The following CEP43 variants were observed in gnomAD, a reference collection of about 807,000 sequenced individuals.
CEP43 encodes centrosomal protein 43, also known as FGFR1 oncogene partner.
Under a neutral mutation model 52.6 loss-of-function variants are expected in CEP43, and 36 were observed. The ratio of observed to expected loss-of-function variants is 0.68; its 90% CI spans 0.52 to 0.90. The LOEUF (loss-of-function observed/expected upper bound fraction) is 0.90, where lower values mean the gene tolerates loss of function less well. Among genes scored for constraint, CEP43 ranks in the 40% least tolerant of loss-of-function variants. The pLI is 0.00. For synonymous variants in CEP43, 192 were observed against 172.4 expected, an observed-to-expected ratio of 1.11 and a Z score of -0.89; for missense variants, 506 against 472.8, an observed-to-expected ratio of 1.07 and a Z score of -0.65.
In CEP43 at chr6:167,040,321, T is replaced by A; in HGVS notation, c.*343T>A. The A allele has an allele frequency of 7.0e-7, 1 of 1,427,386 alleles. No individual in the cohort carries two copies. Among genetic ancestry groups the A allele is most frequent in the Non-Finnish European group, 9.1e-7 (1 of 1,097,882 alleles). 88.4% of individuals were successfully genotyped at this position (1,427,386 alleles called of 1,614,324 possible). On this transcript the variant is annotated 3_prime_UTR_variant, in exon 13 of 13. Transcript: ENST00000366847. ...ATAAAGCCGTAGGATCGCGCAACCC[T>A]TTGTGTGTGTGGCTGCTGGTACGTG...
chr6:167,040,647 CAT>C lies in CEP43; in HGVS notation c.*671_*672del. The C allele has an allele frequency of 9.7e-7, 1 of 1,028,110 alleles. No homozygotes were observed. Among genetic ancestry groups the C allele is most frequent in the South Asian group, 4.5e-5 (1 of 22,136 alleles). The allele number at this position is 1,028,110 out of a possible 1,614,324, so 63.7% of individuals were successfully genotyped here. On this transcript the variant is annotated 3_prime_UTR_variant, in exon 13 of 13. Coordinates refer to ENST00000366847, the MANE Select transcript of CEP43 (RefSeq NM_007045.4). ...TTTTAATTCATAGAATTGTCAATAA[CAT>C]AACATTTGCAATCGTCATTCCTCCT...
intron 2 of CEP43, 22 bp from the exon 3 acceptor site, chr6:167,003,169 CTT>C (rs771088577): frequency 8.8e-7 from 1 of 1,131,172 alleles, no homozygotes; most frequent in Non-Finnish European, 1.3e-6. Context: ...ACACATGACA[CTT>C]AAATTTTTTT....
Position 167,010,868 on chromosome 6 carries a change from C to G in CEP43, c.494C>G (p.Thr165Arg), listed in dbSNP as rs1776266484. The change falls in exon 6 of 13, where the codon ACA (threonine) becomes AGA (arginine). Residue 165 changes from threonine to arginine, a missense_variant. Transcript: ENST00000366847. ...HSPPKSPEGK[T>R]SAQTTPSKIP... ...CCACCAAAGTCACCAGAGGGAAAAA[C>G]AAGTGCACAGACAACACCAAGTAAG... 1.3e-6 allele frequency: 2 copies of G among 1,600,004 alleles called. No homozygotes were observed. The highest frequency in any genetic ancestry group is 1.7e-6 in the Non-Finnish European group (2 of 1,173,244).
At chr6:167,028,627 C>T (rs2237276) in intron 10 of CEP43, 147,579 of 344,314 alleles carry the variant, frequency 0.43, 32,543 homozygotes, top group Non-Finnish European at 0.46. Flanking sequence ...TGGTAAGTGC[C>T]TGGCACTGTA....
rs776398528 is a variant in CEP43 at position 167,033,986 on chromosome 6, A to G, written c.1125+15A>G. On this transcript the variant is annotated intron_variant, in intron 12 of 12. Coordinates refer to ENST00000366847, the MANE Select transcript of CEP43 (RefSeq NM_007045.4). ...CCAGTGATAAGGTATGGTGTTCTGC[A>G]TTTCCCATAGAGTGCTTTTTTTTTT... 5 of 1,290,822 alleles carry G rather than the reference A, an allele frequency of 3.9e-6. No homozygotes were observed. In the Admixed American group the frequency reaches 8.8e-5, roughly 23 times the overall value. 80.0% of individuals were successfully genotyped at this position (1,290,822 alleles called of 1,614,324 possible).
At chr6:167,031,590 A>G in intron 10 of CEP43, among the ~76,000 whole-genome samples, 1 of 152,240 alleles carries the variant, frequency 6.6e-6, no homozygotes, top group East Asian at 1.9e-4. Context: ...GAGACAGTCC[A>G]GCCTTATCTG....
At chr6:167,030,455 C>G (rs562591580) in intron 10 of CEP43, among the ~76,000 whole-genome samples, 1 of 152,330 alleles carries the variant, frequency 6.6e-6, no homozygotes, top group African/African-American at 2.4e-5. Flanking sequence ...ACTTGCAGCC[C>G]TTTAACCTTT....
rs1170660420 is a variant in CEP43, at chr6:167,046,317, A to C, written c.*6339A>C. 6.6e-6 allele frequency: 1 copy of C among 152,214 alleles called. No homozygotes were observed. The highest frequency in any genetic ancestry group is 1.5e-5 in the Non-Finnish European group (1 of 68,014). The allele number at this position is 152,214 out of a possible 1,614,324, so 9.4% of individuals were successfully genotyped here. A position where few individuals can be genotyped will look rare whatever the true frequency, so the allele number is the denominator to read the frequency against. On this transcript the variant is annotated 3_prime_UTR_variant, in exon 13 of 13. Transcript: ENST00000366847. ...ACTAGAAAGAAAGAAAGAGGAAGGA[A>C]GGAAGGGAGGGAGGGAGAGAAGGAG...
rs367683250 is a variant in CEP43 at position 167,044,599 on chromosome 6, ATG to A, written c.*4624_*4625del. ...GAGGTAGGAGGGACAGCGTTTTTGA[ATG>A]TGAAATTTATTCCCTGATACATGTT... On this transcript the variant is annotated 3_prime_UTR_variant, in exon 13 of 13. Coordinates refer to ENST00000366847, the MANE Select transcript of CEP43 (RefSeq NM_007045.4). 1.6e-5 allele frequency: 15 copies of A among 949,242 alleles called. No individual in the cohort carries two copies. The East Asian group carries it at 6.9e-4, about 44-fold the overall frequency. 58.8% of individuals were successfully genotyped at this position (949,242 alleles called of 1,614,324 possible). A position where few individuals can be genotyped will look rare whatever the true frequency, so the allele number is the denominator to read the frequency against.
Position 167,033,922 on chromosome 6 carries a change from TAGA to T in CEP43, c.1083_1085del (p.Glu361del), listed in dbSNP as rs754383350. 31 of 1,602,794 alleles carry T rather than the reference TAGA, an allele frequency of 1.9e-5. No individual in the cohort carries two copies. The highest frequency in any genetic ancestry group is 8.4e-5 in the Admixed American group (5 of 59,258). On this transcript the variant is annotated inframe_deletion, in exon 12 of 13. Transcript: ENST00000366847. ...AGTGAGATAAGTATTGGTGAAGAGA[TAGA>T]AGAAGACCTTTCTGTGGAAATAGAT...
intron 11 of CEP43, among the ~76,000 whole-genome samples, chr6:167,033,128 T>G (rs1018213073): frequency 8.1e-4 from 66 of 80,982 alleles, no homozygotes; most frequent in Middle Eastern, 0.016. Flanking sequence ...TTTTTTTTTT[T>G]GAGACAGAGT....
chr6:167,037,347 A>G (rs1780604192), intron 12 of CEP43, among the ~76,000 whole-genome samples: 1 of 135,368 alleles, frequency 7.4e-6, no homozygotes, highest in Non-Finnish European at 1.8e-5. Context: ...TAGCATTTGT[A>G]TTAATATAAC....
rs1305593454 is a variant in CEP43, at chr6:167,045,267, A to AT, written c.*5297dup. The AT allele has an allele frequency of 8.6e-5, 13 of 150,524 alleles. No homozygotes were observed. Among genetic ancestry groups the AT allele is most frequent in the African/African-American group, 2.9e-4 (12 of 41,066 alleles). 9.3% of individuals were successfully genotyped at this position (150,524 alleles called of 1,614,324 possible). A position where few individuals can be genotyped will look rare whatever the true frequency, so the allele number is the denominator to read the frequency against. ...AGATGTGTTTCACCATGCCCGGCGA[A>AT]TTTTTTTTGTATTTTTAGTAGACAC... On this transcript the variant is annotated 3_prime_UTR_variant, in exon 13 of 13. Transcript: ENST00000366847.
chr6:167,027,816 G>T, intron 10 of CEP43: 2 of 940,258 alleles, frequency 2.1e-6, no homozygotes, highest in Non-Finnish European at 2.5e-6. Context: ...CATGGTAGGT[G>T]CCTAGTAAAT....
Position 167,040,840 on chromosome 6 carries a change from G to T in CEP43, c.*862G>T. 9.8e-7 allele frequency: 1 copy of T among 1,023,784 alleles called. No individual in the cohort carries two copies. The highest frequency in any genetic ancestry group is 1.7e-5 in the African/African-American group (1 of 58,962). The allele number at this position is 1,023,784 out of a possible 1,614,324, so 63.4% of individuals were successfully genotyped here. ...CAAATTGGAATGAAATAGTAGTAAT[G>T]GCCTAAGACCATGTTCAGTTTGACA... On this transcript the variant is annotated 3_prime_UTR_variant, in exon 13 of 13. Transcript: ENST00000366847.
intron 1 of CEP43, chr6:166,999,838 C>T (rs935829580): frequency 3.5e-6 from 2 of 566,696 alleles, no homozygotes; most frequent in African/African-American, 1.9e-5. Context: ...AGCGTCTCTT[C>T]CTCAGGCTCG....
Position 167,050,274 on chromosome 6 carries a change from A to G in CEP43, c.*10296A>G, listed in dbSNP as rs987260873. 3 of 152,372 alleles carry G rather than the reference A, an allele frequency of 2.0e-5. No homozygotes were observed. The highest frequency in any genetic ancestry group is 4.4e-5 in the Non-Finnish European group (3 of 68,170). 9.4% of individuals were successfully genotyped at this position (152,372 alleles called of 1,614,324 possible). A position where few individuals can be genotyped will look rare whatever the true frequency, so the allele number is the denominator to read the frequency against. On this transcript the variant is annotated 3_prime_UTR_variant, in exon 13 of 13. Coordinates refer to ENST00000366847, the MANE Select transcript of CEP43 (RefSeq NM_007045.4). ...CCTTGCTTCTCCTTTGCCTTCTGCC[A>G]TGAGTGTAAGTTTCATGAGGCCTCC...
intron 7 of CEP43, among the ~76,000 whole-genome samples, chr6:167,021,635 A>G (rs960571380): frequency 6.6e-6 from 1 of 152,214 alleles, no homozygotes; most frequent in African/African-American, 2.4e-5. Flanking sequence ...AAAAGTGGTA[A>G]CATCACTCTG....
chr6:167,036,770 AAGG>A, intron 12 of CEP43: 1 of 984,982 alleles, frequency 1.0e-6, no homozygotes, highest in African/African-American at 1.7e-5. Context: ...TTCTAAAACT[AAGG>A]AGGCATGAAA....
Sources: allele counts gnomAD v4.1 joint callset (sites outside exome capture counted in the v4.1 genomes callset), GRCh38; gene constraint gnomAD v4.1.1; transcripts MANE v1.5; gene names NCBI Gene and HGNC (gene_info 2026-07-23, HGNC 2026-07-21).